Variants in HS3ST4 observed in about 807,000 individuals in gnomAD.
The protein encoded by HS3ST4 is heparan sulfate-glucosamine 3-sulfotransferase 4.
In HS3ST4, 17 loss-of-function variants were observed where a neutral mutation model predicts 29.2. The observed-to-expected ratio is 0.58, with a 90% CI of 0.40 to 0.87. HS3ST4 has a LOEUF of 0.87. Among genes scored for constraint, HS3ST4 ranks in the 40% least tolerant of loss-of-function variants. The pLI is 0.00. For missense variants in HS3ST4, 627 were observed against 634.5 expected (o/e 0.99, Z 0.13); for synonymous variants, 314 against 285.7 (o/e 1.10, Z -1.00).
In HS3ST4 at chr16:25,710,152, A is replaced by G. The variant is rs571530249; in HGVS notation, c.734+17001A>G. 3.6e-5 allele frequency among the ~76,000 whole-genome samples: 5 copies of G among 139,376 alleles called. 1 individual carries two copies. In the South Asian group the frequency reaches 1.0e-3, roughly 29 times the overall value. 91.4% of individuals were successfully genotyped at this position (139,376 alleles called of 152,430 possible). A position where few individuals can be genotyped will look rare whatever the true frequency, so the allele number is the denominator to read the frequency against. ...TGCTTCTGTAAGACGTTTTAGGAAA[A>G]TAAATCAGTGTTCTGGAGAAGAAAA... On this transcript the variant is annotated intron_variant, in intron 1 of 1. Coordinates refer to ENST00000331351, the MANE Select transcript of HS3ST4 (RefSeq NM_006040.3).
intron 1 of HS3ST4, among the ~76,000 whole-genome samples, chr16:26,038,983 TG>T (rs2141757548): frequency 6.6e-6 from 1 of 152,206 alleles, no homozygotes; most frequent in South Asian, 2.1e-4. Context: ...GCACCCAGCC[TG>T]GTTCTTCCTT....
intron 1 of HS3ST4, among the ~76,000 whole-genome samples, chr16:25,860,450 G>C (rs1184671842): frequency 6.6e-6 from 1 of 152,176 alleles, no homozygotes; most frequent in Non-Finnish European, 1.5e-5. Context: ...AAGCTTGGAA[G>C]CAACCAGTAT....
chr16:25,836,979 G>A (rs1967362965), intron 1 of HS3ST4, among the ~76,000 whole-genome samples: 1 of 152,180 alleles, frequency 6.6e-6, no homozygotes, highest in South Asian at 2.1e-4. Flanking sequence ...ATTGTTATGT[G>A]GTTTTGTGCT....
At chr16:26,118,296 G>C (rs2141808012) in intron 1 of HS3ST4, among the ~76,000 whole-genome samples, 1 of 152,182 alleles carries the variant, frequency 6.6e-6, no homozygotes, top group African/African-American at 2.4e-5. Context: ...TGAATTCCTG[G>C]GTTCAAGCAA....
At chr16:25,712,341 G>A (rs1341712526) in intron 1 of HS3ST4, among the ~76,000 whole-genome samples, 1 of 152,078 alleles carries the variant, frequency 6.6e-6, no homozygotes, top group Non-Finnish European at 1.5e-5. Context: ...GGGCAACATA[G>A]TGAAACTCCA....
At chr16:26,062,343 C>G (rs1190466939) in intron 1 of HS3ST4, among the ~76,000 whole-genome samples, 1 of 152,172 alleles carries the variant, frequency 6.6e-6, no homozygotes, top group Non-Finnish European at 1.5e-5. Flanking sequence ...GTAGTCATAA[C>G]TTTGTCAACA....
rs1419424973 is a variant in HS3ST4, at chr16:25,762,890, A to AAG, written c.734+69740_734+69741insGA. On this transcript the variant is annotated intron_variant, in intron 1 of 1. Transcript: ENST00000331351. ...AGACCCTGTCTCAAAAAAAAAAAAA[A>AAG]AAAAAAAAAGAAAAAAGAAAGAAAA... 9.3e-5 allele frequency among the ~76,000 whole-genome samples: 14 copies of AAG among 150,478 alleles called. No individual in the cohort carries two copies. In the East Asian group the frequency reaches 1.6e-3, roughly 17 times the overall value.
chr16:25,754,536 GT>G (rs1181133781), intron 1 of HS3ST4, among the ~76,000 whole-genome samples: 1 of 151,742 alleles, frequency 6.6e-6, no homozygotes, highest in Non-Finnish European at 1.5e-5. Context: ...CCAAGACTCG[GT>G]AATCTATAAA....
chr16:25,805,109 A>G (rs1966977402), intron 1 of HS3ST4, among the ~76,000 whole-genome samples: 1 of 152,100 alleles, frequency 6.6e-6, no homozygotes, highest in Non-Finnish European at 1.5e-5. Flanking sequence ...GAGTGGTGTC[A>G]ACCTAAAAAA....
At chr16:26,044,274 G>T (rs1898240478) in intron 1 of HS3ST4, among the ~76,000 whole-genome samples, 1 of 152,328 alleles carries the variant, frequency 6.6e-6, no homozygotes, top group African/African-American at 2.4e-5. Context: ...TCAAGGAGTA[G>T]CCAAGGGACC....
At chr16:25,755,403 A>G (rs1015916515) in intron 1 of HS3ST4, among the ~76,000 whole-genome samples, 1 of 152,204 alleles carries the variant, frequency 6.6e-6, no homozygotes, top group Admixed American at 6.5e-5. Flanking sequence ...CCAGATAGAA[A>G]AAGAGGAAGA....
Position 26,053,185 on chromosome 16 carries a change from G to A in HS3ST4, c.735-82427G>A, listed in dbSNP as rs117343012. On this transcript the variant is annotated intron_variant, in intron 1 of 1. Coordinates refer to ENST00000331351, the MANE Select transcript of HS3ST4 (RefSeq NM_006040.3). ...GCATGTAAATCCTGATACATAAGAC[G>A]CTCCCCTCAACAATCAATGATGACC... 1.2e-3 allele frequency among the ~76,000 whole-genome samples: 186 copies of A among 152,246 alleles called. 6 individuals carry two copies. In the East Asian group the frequency reaches 0.033, roughly 27 times the overall value.
At chr16:25,823,728 GTTATTTTGTAT>G (rs1967186806) in intron 1 of HS3ST4, among the ~76,000 whole-genome samples, 1 of 151,940 alleles carries the variant, frequency 6.6e-6, no homozygotes, top group Non-Finnish European at 1.5e-5. Flanking sequence ...GCCCAGCTAA[GTTATTTTGTAT>G]TTTTAGTAGA....
At chr16:25,987,535 G>A (rs1016178892) in intron 1 of HS3ST4, among the ~76,000 whole-genome samples, 7 of 152,184 alleles carry the variant, frequency 4.6e-5, no homozygotes, top group Non-Finnish European at 8.8e-5. Context: ...ACATGGCAGA[G>A]ATGGGATCCA....
Position 26,136,270 on chromosome 16 carries a change from C to T in HS3ST4, c.*22C>T. 6.3e-7 allele frequency: 1 copy of T among 1,595,880 alleles called. No homozygotes were observed. The highest frequency in any genetic ancestry group is 8.5e-7 in the Non-Finnish European group (1 of 1,173,102). ...ATGAGGCTAGAGAGGCAGAGGAAGG[C>T]TAGTCAATAAGCTAAGGAGGCTCCT... is the stretch of plus-strand genomic sequence containing the variant. On this transcript the variant is annotated 3_prime_UTR_variant, in exon 2 of 2. Transcript: ENST00000331351.
intron 1 of HS3ST4, among the ~76,000 whole-genome samples, chr16:26,010,977 A>G (rs1369723238): frequency 2.0e-5 from 3 of 152,194 alleles, no homozygotes; most frequent in Non-Finnish European, 4.4e-5. Flanking sequence ...AGTTTTGAGG[A>G]ATAAATGAGC....
intron 1 of HS3ST4, among the ~76,000 whole-genome samples, chr16:25,968,079 G>A (rs1339355342): frequency 5.9e-5 from 9 of 152,146 alleles, no homozygotes; most frequent in Non-Finnish European, 1.2e-4. Context: ...CTCTTTCAGG[G>A]GAGGGAAGGG....
intron 1 of HS3ST4, among the ~76,000 whole-genome samples, chr16:25,957,740 T>G (rs1041538484): frequency 1.3e-5 from 2 of 152,282 alleles, no homozygotes; most frequent in African/African-American, 4.8e-5. Context: ...TCTTAATGCA[T>G]GCACTTTAAA....
At chr16:25,696,948 G>C (rs555844703) in intron 1 of HS3ST4, among the ~76,000 whole-genome samples, 1 of 152,268 alleles carries the variant, frequency 6.6e-6, no homozygotes, top group East Asian at 1.9e-4. Context: ...CTTTACACGT[G>C]GCTCCGAGAG....
Sources: gnomAD v4.1 joint callset for allele counts (sites outside exome capture counted in the v4.1 genomes callset) on GRCh38, gnomAD v4.1.1 for gene constraint, MANE v1.5 for transcripts, NCBI Gene and HGNC (gene_info 2026-07-23, HGNC 2026-07-21) for gene names.